FAM227B: variants seen among roughly 807,000 people sequenced by gnomAD.
FAM227B encodes the protein family with sequence similarity 227 member B, also known as protein FAM227B.
FAM227B carries 88 observed loss-of-function variants against 73.8 expected under a neutral mutation model. The observed-to-expected ratio is 1.19, with a 90% CI of 1.00 to 1.42. The LOEUF is 1.42. Among genes scored for constraint, FAM227B ranks in the 40% most tolerant of loss-of-function variants. The pLI is 0.00. For missense variants in FAM227B, 632 were observed against 590.9 expected (o/e 1.07, Z -0.72); for synonymous variants, 210 against 190.5 (o/e 1.10, Z -0.84).
chr15:49,582,753 A>T (rs560652855), intron 5 of FAM227B, among the ~76,000 whole-genome samples: 1 of 152,330 alleles, frequency 6.6e-6, no homozygotes, highest in Admixed American at 6.5e-5. Context: ...AGCAAATGCA[A>T]AAGAACTGAA....
intron 11 of FAM227B, chr15:49,424,519 G>C: frequency 6.2e-7 from 1 of 1,612,302 alleles, no homozygotes; most frequent in Non-Finnish European, 8.5e-7. Flanking sequence ...GTCGAACACA[G>C]TGGTACCTGA....
At chr15:49,468,546 T>C (rs557221617) in intron 11 of FAM227B, among the ~76,000 whole-genome samples, 4 of 152,290 alleles carry the variant, frequency 2.6e-5, no homozygotes, top group African/African-American at 9.6e-5. Context: ...ATCAACCATA[T>C]GTATCATTGT....
intron 9 of FAM227B, among the ~76,000 whole-genome samples, chr15:49,550,346 A>C (rs1267706494): frequency 1.7e-5 from 2 of 116,914 alleles, no homozygotes; most frequent in Admixed American, 8.8e-5. Flanking sequence ...TGACCCCCCC[A>C]CCTCCCTCCC....
intron 1 of FAM227B, chr15:49,620,305 C>A (rs1206469143): frequency 6.6e-6 from 1 of 152,170 alleles, no homozygotes; most frequent in Non-Finnish European, 1.5e-5. Flanking sequence ...ATTGTAATGT[C>A]CTTTATCTAC....
intron 11 of FAM227B, among the ~76,000 whole-genome samples, chr15:49,476,948 T>C (rs1236020116): frequency 6.6e-6 from 1 of 151,702 alleles, no homozygotes; most frequent in Non-Finnish European, 1.5e-5. Flanking sequence ...TAGTCCCAGC[T>C]ACTCGGGAGG....
At chr15:49,588,741 T>C (rs58275754) in intron 4 of FAM227B, among the ~76,000 whole-genome samples, 8,307 of 150,796 alleles carry the variant, frequency 0.055, 331 homozygotes, top group East Asian at 0.13. Flanking sequence ...ATGCAAGCTA[T>C]ATATATGTGT....
intron 9 of FAM227B, among the ~76,000 whole-genome samples, chr15:49,549,952 G>A (rs1350658940): frequency 7.6e-6 from 1 of 131,824 alleles, no homozygotes; most frequent in African/African-American, 2.5e-5. Context: ...GCGGCTGGCC[G>A]GGCGGGGGGC....
At chr15:49,382,211 A>T (rs2046583787) in intron 11 of FAM227B, among the ~76,000 whole-genome samples, 1 of 152,096 alleles carries the variant, frequency 6.6e-6, no homozygotes, top group Non-Finnish European at 1.5e-5. Context: ...TCATGATAGA[A>T]GAATTATACT....
intron 11 of FAM227B, among the ~76,000 whole-genome samples, chr15:49,422,165 C>CGCGCGCGCGCGCGT (rs1567244872): frequency 1.2e-5 from 1 of 84,412 alleles, no homozygotes; most frequent in African/African-American, 5.2e-5. Context: ...TGTGTGTGTG[C>CGCGCGCGCGCGCGT]GCGCGCGCGC....
At chr15:49,508,716 T>C (rs1337557122) in intron 10 of FAM227B, among the ~76,000 whole-genome samples, 2 of 152,114 alleles carry the variant, frequency 1.3e-5, no homozygotes, top group Non-Finnish European at 2.9e-5. Flanking sequence ...TCAATGAGGG[T>C]TATTCACTAG....
intron 10 of FAM227B, among the ~76,000 whole-genome samples, chr15:49,538,224 G>A (rs1408229680): frequency 6.6e-6 from 1 of 152,098 alleles, no homozygotes; most frequent in Non-Finnish European, 1.5e-5. Context: ...ACTTACATAT[G>A]GATTTTCATC....
chr15:49,383,955 TTC>T (rs1214858970), intron 11 of FAM227B, among the ~76,000 whole-genome samples: 4 of 152,164 alleles, frequency 2.6e-5, no homozygotes, highest in African/African-American at 9.6e-5. Flanking sequence ...AGCCAGCAGC[TTC>T]TGTTTCTTGT....
At chr15:49,566,027 T>G (rs771409332) in intron 9 of FAM227B, among the ~76,000 whole-genome samples, 3 of 152,180 alleles carry the variant, frequency 2.0e-5, no homozygotes, top group Non-Finnish European at 2.9e-5. Flanking sequence ...TAAGACTCAT[T>G]TGGGGCTCCT....
At chr15:49,530,384 T>C (rs891309255) in intron 10 of FAM227B, among the ~76,000 whole-genome samples, 2 of 151,858 alleles carry the variant, frequency 1.3e-5, no homozygotes, top group East Asian at 3.9e-4. Flanking sequence ...TGCTCTATAC[T>C]ACTTAAATAT....
chr15:49,518,435 A>G (rs528973863), intron 10 of FAM227B, among the ~76,000 whole-genome samples: 1 of 152,164 alleles, frequency 6.6e-6, no homozygotes, highest in Non-Finnish European at 1.5e-5. Flanking sequence ...TATTAGTTCA[A>G]TTTCATACTG....
intron 11 of FAM227B, among the ~76,000 whole-genome samples, chr15:49,390,980 C>G (rs2047177475): frequency 6.6e-6 from 1 of 152,018 alleles, no homozygotes. Flanking sequence ...AGATTCAGGA[C>G]TAGTTCTAGT....
At chr15:49,459,153 G>A (rs2053570736) in intron 11 of FAM227B, among the ~76,000 whole-genome samples, 2 of 152,308 alleles carry the variant, frequency 1.3e-5, no homozygotes, top group Admixed American at 1.3e-4. Context: ...TTGTCCAGGA[G>A]AAAGAGTGTG....
At chr15:49,351,274 G>C (rs1432482549) in intron 13 of FAM227B, among the ~76,000 whole-genome samples, 1 of 152,046 alleles carries the variant, frequency 6.6e-6, no homozygotes, top group Non-Finnish European at 1.5e-5. Flanking sequence ...ATGACTACTA[G>C]CTATGGAATT....
chr15:49,501,201 C>T (rs963077906), intron 11 of FAM227B, among the ~76,000 whole-genome samples: 1 of 152,116 alleles, frequency 6.6e-6, no homozygotes, highest in Non-Finnish European at 1.5e-5. Context: ...GCATAATGGG[C>T]AGAGGCTGGA....
Sources: allele counts gnomAD v4.1 joint callset (sites outside exome capture counted in the v4.1 genomes callset), GRCh38; gene constraint gnomAD v4.1.1; transcripts MANE v1.5; gene names NCBI Gene and HGNC (gene_info 2026-07-23, HGNC 2026-07-21).